The following MAP7D3 variants were observed in gnomAD, a reference collection of about 807,000 sequenced individuals.
MAP7D3 encodes MAP7 domain containing 3.
A neutral mutation model predicts 62.2 loss-of-function variants in MAP7D3; 45 were observed. That is an observed-to-expected ratio of 0.72 (90% CI 0.57 to 0.93). The LOEUF (loss-of-function observed/expected upper bound fraction) is 0.93, where lower values mean the gene tolerates loss of function less well. Among genes scored for constraint, MAP7D3 ranks in the 40% least tolerant of loss-of-function variants. The probability of loss-of-function intolerance (pLI) is 0.00; values close to 1 mark genes in which losing one functional copy is unlikely to be tolerated. For missense variants in MAP7D3, 711 were observed against 683.1 expected (o/e 1.04, Z -0.45); for synonymous variants, 288 against 248.8 (o/e 1.16, Z -1.48).
In MAP7D3 at chrX:136,231,671, C is replaced by T; in HGVS notation, c.1286G>A (p.Ser429Asn). 2.5e-6 allele frequency: 3 copies of T among 1,207,423 alleles called. No homozygotes were observed. Among genetic ancestry groups the T allele is most frequent in the Non-Finnish European group, 3.4e-6 (3 of 892,292 alleles). ...KGSAEVAPKE[S>N]VKGSPKESME... Reference sequence around the variant, plus strand: ...GCTCTCCTTGGGTGACCCTTTCACACTCTCCTTGGGGGCTACTTCTGCGCT... The same window carrying T: ...GCTCTCCTTGGGTGACCCTTTCACATTCTCCTTGGGGGCTACTTCTGCGCT... The change falls in exon 8 of 19, where the codon AGT (serine) becomes AAT (asparagine). Residue 429 changes from serine (S) to asparagine (N), a missense_variant. Physicochemically the swap from Ser to Asn is conservative, Grantham distance 46 (BLOSUM62 1). Transcript: ENST00000316077.
At chrX:136,222,610 A>G in intron 14 of MAP7D3, 124 bp from the exon 15 acceptor site, 1 of 533,853 alleles carries the variant, frequency 1.9e-6, no homozygotes. Context: ...CGAAAAGGTA[A>G]AAAAATATAA....
Position 136,231,688 on chromosome X carries a change from T to C in MAP7D3, c.1269A>G (p.Glu423=), listed in dbSNP as rs370622936. The change falls in exon 8 of 19, where the codon GAA becomes GAG. Residue 423 remains glutamate, a synonymous_variant. Coordinates refer to ENST00000316077, the MANE Select transcript of MAP7D3 (RefSeq NM_024597.4). ...CTTTCACACTCTCCTTGGGGGCTAC[T>C]TCTGCGCTCCCCTTGGGAGGTGCTT... ...SLEAPPKGSA[E]VAPKESVKGS... 7 of 1,207,250 alleles carry C rather than the reference T, an allele frequency of 5.8e-6. No individual in the cohort carries two copies. The highest frequency in any genetic ancestry group is 7.8e-6 in the Non-Finnish European group (7 of 893,694).
At chrX:136,245,866 C>A (rs141620059) in intron 3 of MAP7D3, among the ~76,000 whole-genome samples, 199 bp downstream of exon 3, 1 of 111,825 alleles carries the variant, frequency 8.9e-6, no homozygotes, top group South Asian at 3.7e-4. Flanking sequence ...ATAAACTACT[C>A]CTTCAAAAAT....
intron 7 of MAP7D3, among the ~76,000 whole-genome samples, chrX:136,233,202 C>A (rs1241034463): frequency 3.6e-5 from 4 of 110,356 alleles, no homozygotes; most frequent in African/African-American, 9.9e-5. Context: ...TATGAAGTTA[C>A]CAGTGAGCAC....
At chrX:136,240,208 C>CAAAAAA (rs34003803) in intron 6 of MAP7D3, among the ~76,000 whole-genome samples, 174 bp downstream of exon 6, 1 of 67,424 alleles carries the variant, frequency 1.5e-5, no homozygotes, top group Non-Finnish European at 2.8e-5. Context: ...GACTCTGTCT[C>CAAAAAA]AAAAAAAAAA....
chrX:136,256,248 A>G (rs2074550778), upstream of MAP7D3: 3 of 1,151,703 alleles, frequency 2.6e-6, no homozygotes, highest in East Asian at 3.3e-5. Flanking sequence ...ATCTACTCAC[A>G]TTTTCCTTCC....
chrX:136,229,502 C>T (rs138194974), intron 10 of MAP7D3, among the ~76,000 whole-genome samples: 2,747 of 110,834 alleles, frequency 0.025, 79 homozygotes, highest in African/African-American at 0.083. Flanking sequence ...TAAGAATGCA[C>T]GTAACAGGCA....
rs2074409366 is a variant in MAP7D3 at position 136,243,250 on chromosome X, C to T, written c.417+1382G>A. Among the ~76,000 whole-genome samples, 4 of 111,523 alleles carry T rather than the reference C, an allele frequency of 3.6e-5. No homozygotes were observed. In the South Asian group the frequency reaches 1.5e-3, roughly 42 times the overall value. ...AAAATAAGAGAGGGAAATAAAAATA[C>T]AACACACTGAGAGAATGGCAGGCAG... On this transcript the variant is annotated intron_variant, in intron 4 of 18. Transcript: ENST00000316077.
At chrX:136,243,092 C>T (rs764026556) in intron 4 of MAP7D3, among the ~76,000 whole-genome samples, 3 of 110,297 alleles carry the variant, frequency 2.7e-5, no homozygotes, top group East Asian at 5.7e-4. Context: ...AGAGGAAGCA[C>T]GTACAAGAGC....
upstream of MAP7D3, among the ~76,000 whole-genome samples, chrX:136,252,096 C>T (rs1040821731): frequency 1.8e-5 from 2 of 111,850 alleles, no homozygotes; most frequent in Non-Finnish European, 3.8e-5. Context: ...CTTTAAGGGG[C>T]AGACCTCACT....
intron 10 of MAP7D3, 60 bp downstream of exon 10, chrX:136,230,325 C>T (rs1285248611): frequency 4.4e-6 from 3 of 685,470 alleles, no homozygotes; most frequent in South Asian, 2.6e-5. Flanking sequence ...GTGAACCTTT[C>T]CCAGAATACA....
At chrX:136,246,935 C>T (rs1174420903) in intron 1 of MAP7D3, among the ~76,000 whole-genome samples, 1 of 112,149 alleles carries the variant, frequency 8.9e-6, no homozygotes, top group Admixed American at 9.4e-5. Context: ...CAATGCCTGC[C>T]TGCCCGCTCC....
chrX:136,213,614 C>T (rs1365252361), downstream of MAP7D3: 1 of 111,415 alleles, frequency 9.0e-6, no homozygotes, highest in Non-Finnish European at 1.9e-5. Context: ...CATTTCATTC[C>T]CAGCACCAAA....
chrX:136,254,014 C>CA (rs1293894358), upstream of MAP7D3, among the ~76,000 whole-genome samples: 1 of 109,328 alleles, frequency 9.1e-6, no homozygotes, highest in Non-Finnish European at 1.9e-5. Context: ...CTCACGAACA[C>CA]AAAAAAAGAC....
rs1384166481 is a variant in MAP7D3, at chrX:136,220,917, G to A, written c.2334C>T (p.Phe778=). 2.4e-5 allele frequency: 29 copies of A among 1,207,345 alleles called. No individual in the cohort carries two copies. Among genetic ancestry groups the A allele is most frequent in the Non-Finnish European group, 3.1e-5 (28 of 892,852 alleles). Residue 778 remains phenylalanine (F), a synonymous_variant, in exon 16 of 19, where the codon TTC becomes TTT. Transcript: ENST00000316077. ...TGTGTGTCATTTTCTTGGCATTGTT[G>A]AACGGCATTTTAAATTTGGTAGGTG... ...TGSPTKFKMP[F]NNAKKMTHKL...
chrX:136,221,779 C>T (rs1168786338), intron 15 of MAP7D3: 1 of 112,631 alleles, frequency 8.9e-6, no homozygotes, highest in East Asian at 2.8e-4. Context: ...ATATGTTTGT[C>T]TTCCCACTGG....
intron 3 of MAP7D3, 52 bp from the exon 4 acceptor site, chrX:136,244,847 G>C (rs1398907300): frequency 1.0e-6 from 1 of 965,047 alleles, no homozygotes; most frequent in Non-Finnish European, 1.4e-6. Context: ...AAAATATTTA[G>C]GTTTTCCACA....
rs1205491031 is a variant in MAP7D3, at chrX:136,231,877, T to G, written c.1080A>C (p.Ala360=). 4.1e-6 allele frequency: 5 copies of G among 1,211,639 alleles called. No homozygotes were observed. The change falls in exon 8 of 19, where the codon GCA becomes GCC. Residue 360 remains alanine, a synonymous_variant. Coordinates refer to ENST00000316077, the MANE Select transcript of MAP7D3 (RefSeq NM_024597.4). ...GTGCTTCTATGCTCAACTCGGGGGA[T>G]GCGTCCATGCTCATCTCAGAATCAT... is the stretch of plus-strand genomic sequence containing the variant. The part of the protein sequence containing the change: ...STYDSEMSMD[A]SPELSIEALP...
chrX:136,224,246 C>T (rs1293845028), intron 14 of MAP7D3, among the ~76,000 whole-genome samples: 1 of 107,024 alleles, frequency 9.3e-6, no homozygotes, highest in Non-Finnish European at 1.9e-5. Flanking sequence ...AATAGTAATA[C>T]AAAAATAGCT....
Sources: allele counts gnomAD v4.1 joint callset (sites outside exome capture counted in the v4.1 genomes callset), GRCh38; gene constraint gnomAD v4.1.1; transcripts MANE v1.5; gene names NCBI Gene and HGNC (gene_info 2026-07-23, HGNC 2026-07-21).